Variants in SEMA5A observed in about 807,000 individuals in gnomAD.
SEMA5A encodes the protein semaphorin 5A, also known as semaphorin-5A.
In SEMA5A, 55 loss-of-function variants were observed where a neutral mutation model predicts 135.5. The ratio of observed to expected loss-of-function variants is 0.41; its 90% CI spans 0.33 to 0.51. The LOEUF is 0.51. Ranked by LOEUF, SEMA5A falls within the 20% of genes least tolerant of loss-of-function variation. The probability of loss-of-function intolerance (pLI) is 0.37; values close to 1 mark genes in which losing one functional copy is unlikely to be tolerated. For missense variants in SEMA5A, 1,290 were observed against 1,419.9 expected, an observed-to-expected ratio of 0.91 and a Z score of 1.47; for synonymous variants, 580 against 546.5, an observed-to-expected ratio of 1.06 and a Z score of -0.85.
intron 11 of SEMA5A, among the ~76,000 whole-genome samples, chr5:9,166,748 T>G (rs550140951): frequency 9.8e-5 from 15 of 152,328 alleles, no homozygotes; most frequent in Admixed American, 2.6e-4. Context: ...CATATTACTT[T>G]TAAAACAAGA....
chr5:9,161,583 A>G (rs1168882935), intron 11 of SEMA5A, among the ~76,000 whole-genome samples: 2 of 152,234 alleles, frequency 1.3e-5, no homozygotes, highest in African/African-American at 4.8e-5. Context: ...ATTTCAGTTC[A>G]TACTAACCAC....
At chr5:9,358,184 T>C (rs1754536149) in intron 3 of SEMA5A, among the ~76,000 whole-genome samples, 1 of 152,180 alleles carries the variant, frequency 6.6e-6, no homozygotes, top group Non-Finnish European at 1.5e-5. Context: ...GTCTGTTCCT[T>C]GGTGCCTGGG....
chr5:9,496,680 C>T (rs1735319932), intron 1 of SEMA5A, among the ~76,000 whole-genome samples: 1 of 152,132 alleles, frequency 6.6e-6, no homozygotes, highest in African/African-American at 2.4e-5. Flanking sequence ...AAGGTATAAA[C>T]TCTGTCTGCT....
At chr5:9,280,736 A>G (rs1750500218) in intron 5 of SEMA5A, 2 of 316,654 alleles carry the variant, frequency 6.3e-6, no homozygotes. Context: ...GAGGACTCTC[A>G]AGTTAACCAG....
chr5:9,368,859 C>A (rs951317748), intron 3 of SEMA5A, among the ~76,000 whole-genome samples: 5 of 152,114 alleles, frequency 3.3e-5, no homozygotes, highest in African/African-American at 1.2e-4. Context: ...CCCTTGGATA[C>A]AAATCTTTCT....
At chr5:9,501,210 G>A (rs1222839909) in intron 1 of SEMA5A, among the ~76,000 whole-genome samples, 1 of 152,156 alleles carries the variant, frequency 6.6e-6, no homozygotes, top group Non-Finnish European at 1.5e-5. Flanking sequence ...TGTCAAAATG[G>A]TTGCTAACAC....
chr5:9,415,017 G>A (rs1216065236), intron 2 of SEMA5A, among the ~76,000 whole-genome samples: 1 of 152,164 alleles, frequency 6.6e-6, no homozygotes, highest in East Asian at 1.9e-4. Context: ...ATTATTTTGT[G>A]ATTCATTGCC....
chr5:9,194,517 T>C (rs890315606), intron 10 of SEMA5A, among the ~76,000 whole-genome samples: 3 of 152,198 alleles, frequency 2.0e-5, no homozygotes, highest in East Asian at 1.9e-4. Context: ...TGGGGAGGGA[T>C]CGTTAGTTCA....
chr5:9,118,301 A>C (rs547880803), intron 15 of SEMA5A, among the ~76,000 whole-genome samples: 3 of 152,366 alleles, frequency 2.0e-5, no homozygotes, highest in Admixed American at 2.0e-4. Flanking sequence ...AAACATTAAT[A>C]GTATATTTAA....
chr5:9,219,978 GA>G (rs563626163), intron 8 of SEMA5A, among the ~76,000 whole-genome samples: 61 of 150,270 alleles, frequency 4.1e-4, no homozygotes, highest in Non-Finnish European at 6.7e-4. Flanking sequence ...TTTTGGAATA[GA>G]AAAAAAAATG....
intron 3 of SEMA5A, among the ~76,000 whole-genome samples, chr5:9,344,554 A>C (rs544747351): frequency 6.6e-6 from 1 of 152,312 alleles, no homozygotes; most frequent in African/African-American, 2.4e-5. Flanking sequence ...GCAGGACATA[A>C]GTGAAGGAGG....
Position 9,039,503 on chromosome 5 carries a change from C to CACAT in SEMA5A, c.*3390_*3393dup, listed in dbSNP as rs976058229. On this transcript the variant is annotated 3_prime_UTR_variant, in exon 23 of 23. Coordinates refer to ENST00000382496, the MANE Select transcript of SEMA5A (RefSeq NM_003966.3). ...CAATTCCTTTAGAACCTCAGCCCCA[C>CACAT]ACATACATTTATTAAATGTTCTTTT... 4 of 152,376 alleles carry CACAT rather than the reference C, an allele frequency of 2.6e-5. No individual in the cohort carries two copies. The South Asian group carries it at 8.3e-4, about 32-fold the overall frequency. The allele number at this position is 152,376 out of a possible 1,614,324, so 9.4% of individuals were successfully genotyped here.
chr5:9,061,310 T>C (rs997161877), intron 18 of SEMA5A, among the ~76,000 whole-genome samples: 3 of 152,188 alleles, frequency 2.0e-5, no homozygotes, highest in African/African-American at 7.2e-5. Context: ...GAAAGATCAA[T>C]TAACCAACTC....
rs966674407 is a variant in SEMA5A, at chr5:9,224,896, G to A, written c.433-9C>T. ...TCAGTCAGGTTGCTCAACTGTGGGG[G>A]AGGATGAGAGGGAAAGCAGTTATCT... On this transcript the variant is annotated splice_polypyrimidine_tract_variant and intron_variant, in intron 7 of 22. Coordinates refer to ENST00000382496, the MANE Select transcript of SEMA5A (RefSeq NM_003966.3). The A allele has an allele frequency of 1.1e-5, 17 of 1,608,516 alleles. No individual in the cohort carries two copies. Among genetic ancestry groups the A allele is most frequent in the East Asian group, 2.2e-5 (1 of 44,760 alleles).
intron 15 of SEMA5A, among the ~76,000 whole-genome samples, chr5:9,113,675 A>G (rs771765084): frequency 1.3e-5 from 2 of 152,272 alleles, no homozygotes; most frequent in Non-Finnish European, 2.9e-5. Context: ...AAGATACACT[A>G]ATGTCCACTA....
At chr5:9,212,303 A>C (rs1355114748) in intron 8 of SEMA5A, among the ~76,000 whole-genome samples, 1 of 152,234 alleles carries the variant, frequency 6.6e-6, no homozygotes, top group East Asian at 1.9e-4. Context: ...TTAAACATTT[A>C]TTATCCTGCC....
At chr5:9,246,220 T>A (rs112823555) in intron 5 of SEMA5A, among the ~76,000 whole-genome samples, 1 of 150,316 alleles carries the variant, frequency 6.7e-6, no homozygotes, top group African/African-American at 2.5e-5. Context: ...CAAGACTAAA[T>A]GTAGCGAAAA....
intron 1 of SEMA5A, among the ~76,000 whole-genome samples, chr5:9,495,692 C>G (rs914179204): frequency 6.6e-6 from 1 of 152,172 alleles, no homozygotes; most frequent in Non-Finnish European, 1.5e-5. Flanking sequence ...GCGGGGCCTC[C>G]GGCTCCCACT....
intron 16 of SEMA5A, among the ~76,000 whole-genome samples, chr5:9,089,476 C>T (rs1320950539): frequency 6.6e-6 from 1 of 152,100 alleles, no homozygotes; most frequent in African/African-American, 2.4e-5. Context: ...TGGCACCTTT[C>T]ACCAAAGACT....
Sources: allele counts gnomAD v4.1 joint callset (sites outside exome capture counted in the v4.1 genomes callset), GRCh38; gene constraint gnomAD v4.1.1; transcripts MANE v1.5; gene names NCBI Gene and HGNC (gene_info 2026-07-23, HGNC 2026-07-21).